The following SPAG16 variants were observed in gnomAD, a reference collection of about 807,000 sequenced individuals.
SPAG16 encodes sperm associated antigen 16.
A neutral mutation model predicts 80.4 loss-of-function variants in SPAG16; 86 were observed. That is an observed-to-expected ratio of 1.07 (90% CI 0.90 to 1.28). SPAG16 has a LOEUF of 1.28. Ranked by LOEUF, SPAG16 falls within the 50% of genes most tolerant of loss-of-function variation. SPAG16 has a pLI of 0.00. For synonymous variants in SPAG16, 294 were observed against 265.9 expected (o/e 1.11, Z -1.03); for missense variants, 870 against 765.3 (o/e 1.14, Z -1.61).
chr2:214,002,330 G>A (rs1040758992), intron 12 of SPAG16, among the ~76,000 whole-genome samples: 2 of 151,988 alleles, frequency 1.3e-5, no homozygotes, highest in African/African-American at 4.8e-5. Flanking sequence ...AAATGGGCTG[G>A]ATTAAAAATA....
chr2:213,312,740 A>G (rs2063246702), intron 4 of SPAG16, among the ~76,000 whole-genome samples: 1 of 151,810 alleles, frequency 6.6e-6, no homozygotes, highest in Non-Finnish European at 1.5e-5. Context: ...TTTTTTAATA[A>G]TGGAAGAGAT....
At chr2:213,968,171 CTCTTT>C (rs1428004712) in intron 12 of SPAG16, among the ~76,000 whole-genome samples, 1 of 150,762 alleles carries the variant, frequency 6.6e-6, no homozygotes, top group Non-Finnish European at 1.5e-5. Context: ...CTCTTCTCAT[CTCTTT>C]TCTTTTCTTT....
At chr2:213,871,750 A>G (rs963261866) in intron 11 of SPAG16, among the ~76,000 whole-genome samples, 1 of 151,920 alleles carries the variant, frequency 6.6e-6, no homozygotes, top group South Asian at 2.1e-4. Flanking sequence ...TTGACCAATC[A>G]TTATTTGGCT....
intron 10 of SPAG16, among the ~76,000 whole-genome samples, chr2:213,655,047 G>A (rs1316790444): frequency 6.6e-6 from 1 of 152,140 alleles, no homozygotes; most frequent in East Asian, 1.9e-4. Context: ...CTACAATGGT[G>A]GGTACATGTC....
At chr2:213,853,375 A>G (rs2075002413) in intron 10 of SPAG16, among the ~76,000 whole-genome samples, 1 of 152,198 alleles carries the variant, frequency 6.6e-6, no homozygotes, top group South Asian at 2.1e-4. Flanking sequence ...GGAAAGAACA[A>G]TTTCAATTAG....
chr2:214,019,869 A>G (rs972273956), intron 13 of SPAG16, among the ~76,000 whole-genome samples: 4 of 152,152 alleles, frequency 2.6e-5, no homozygotes, highest in African/African-American at 7.2e-5. Flanking sequence ...CCTGCCCTCA[A>G]TGAACACACA....
At chr2:213,321,503 A>G (rs182891043) in intron 5 of SPAG16, among the ~76,000 whole-genome samples, 2 of 152,250 alleles carry the variant, frequency 1.3e-5, no homozygotes, top group African/African-American at 2.4e-5. Context: ...GCTATTATCA[A>G]TAACTCTAAA....
At chr2:213,960,005 C>G (rs988024508) in intron 12 of SPAG16, among the ~76,000 whole-genome samples, 5 of 152,200 alleles carry the variant, frequency 3.3e-5, no homozygotes, top group Non-Finnish European at 5.9e-5. Context: ...CTTTTCCTTA[C>G]AGTATTCCCA....
At chr2:213,702,551 T>C (rs2065507231) in intron 10 of SPAG16, among the ~76,000 whole-genome samples, 2 of 152,184 alleles carry the variant, frequency 1.3e-5, no homozygotes, top group Admixed American at 1.3e-4. Context: ...ATTCTTGAAG[T>C]TGGCGAGACC....
chr2:214,196,682 G>T (rs978527029), intron 15 of SPAG16, among the ~76,000 whole-genome samples: 1 of 151,978 alleles, frequency 6.6e-6, no homozygotes, highest in Admixed American at 6.6e-5. Flanking sequence ...ATTATTTGTG[G>T]TTGAATTTTA....
At chr2:213,988,563 A>C (rs1467912451) in intron 12 of SPAG16, among the ~76,000 whole-genome samples, 3 of 152,100 alleles carry the variant, frequency 2.0e-5, no homozygotes, top group Non-Finnish European at 4.4e-5. Flanking sequence ...TAACATATCA[A>C]AATTTGTGGG....
chr2:213,888,384 T>C (rs770676023), intron 11 of SPAG16, among the ~76,000 whole-genome samples: 20 of 151,960 alleles, frequency 1.3e-4, no homozygotes, highest in Admixed American at 2.6e-4. Context: ...AAAAGTTAGG[T>C]ACATTATTAT....
In SPAG16 at chr2:213,365,627, T is replaced by C. The variant is rs2066237990; in HGVS notation, c.832+1482T>C. 5.4e-5 allele frequency among the ~76,000 whole-genome samples: 8 copies of C among 148,824 alleles called. No homozygotes were observed. In the South Asian group the frequency reaches 1.7e-3, roughly 31 times the overall value. ...CATGTGCCACCATGACTGGCTAATTTTTGTATTTTTAGTAGAGCTGGGGCT... is the reference window on the plus strand; with the variant it reads ...CATGTGCCACCATGACTGGCTAATTCTTGTATTTTTAGTAGAGCTGGGGCT... On this transcript the variant is annotated intron_variant, in intron 8 of 15. Coordinates refer to ENST00000331683, the MANE Select transcript of SPAG16 (RefSeq NM_024532.5).
intron 10 of SPAG16, among the ~76,000 whole-genome samples, chr2:213,516,709 A>G (rs1053566434): frequency 6.6e-6 from 1 of 152,196 alleles, no homozygotes; most frequent in Non-Finnish European, 1.5e-5. Flanking sequence ...GGGGCCTCCT[A>G]AAGCAAACTG....
At chr2:213,625,314 T>C (rs1393537174) in intron 10 of SPAG16, among the ~76,000 whole-genome samples, 2 of 152,054 alleles carry the variant, frequency 1.3e-5, no homozygotes, top group African/African-American at 4.8e-5. Flanking sequence ...AGTAAGCACA[T>C]CTTCACATGA....
intron 15 of SPAG16, among the ~76,000 whole-genome samples, chr2:214,403,162 G>A (rs1329093630): frequency 6.6e-6 from 1 of 151,444 alleles, no homozygotes; most frequent in Non-Finnish European, 1.5e-5. Context: ...CCTTGGAGAA[G>A]TTGCTTTTCT....
intron 10 of SPAG16, among the ~76,000 whole-genome samples, chr2:213,672,497 C>T (rs564504771): frequency 1.9e-4 from 29 of 152,024 alleles, no homozygotes; most frequent in African/African-American, 5.5e-4. Flanking sequence ...TTTTTTTGTG[C>T]GTCACTGATT....
chr2:214,073,419 T>G (rs773378940), intron 13 of SPAG16, among the ~76,000 whole-genome samples: 3 of 151,898 alleles, frequency 2.0e-5, no homozygotes, highest in Non-Finnish European at 4.4e-5. Context: ...GTATTTTTAG[T>G]AGAGACGGGG....
At chr2:213,702,395 T>C (rs111523185) in intron 10 of SPAG16, among the ~76,000 whole-genome samples, 180 of 152,336 alleles carry the variant, frequency 1.2e-3, no homozygotes, top group Middle Eastern at 3.4e-3. Flanking sequence ...TTTGGGTCCA[T>C]GCAGCATTTA....
Sources: allele counts gnomAD v4.1 joint callset (sites outside exome capture counted in the v4.1 genomes callset), GRCh38; gene constraint gnomAD v4.1.1; transcripts MANE v1.5; gene names NCBI Gene and HGNC (gene_info 2026-07-23, HGNC 2026-07-21).